The following CDCA2 variants were observed in gnomAD, a reference collection of about 807,000 sequenced individuals.
CDCA2 encodes cell division cycle associated 2.
A neutral mutation model predicts 67.0 loss-of-function variants in CDCA2; 44 were observed. The ratio of observed to expected loss-of-function variants is 0.66; its 90% CI spans 0.52 to 0.84. The LOEUF is 0.84. Among genes scored for constraint, CDCA2 ranks in the 40% least tolerant of loss-of-function variants. CDCA2 has a pLI of 0.00. For missense variants in CDCA2, 1,253 were observed against 1,203.2 expected (o/e 1.04, Z -0.61); for synonymous variants, 447 against 418.7 (o/e 1.07, Z -0.82).
chr8:25,464,137 G>A (rs1415819606), intron 4 of CDCA2, among the ~76,000 whole-genome samples: 1 of 152,190 alleles, frequency 6.6e-6, no homozygotes, highest in Non-Finnish European at 1.5e-5. Context: ...TTCCCTGGCT[G>A]GGTATGGTGG....
In CDCA2 at chr8:25,506,560, C is replaced by T; in HGVS notation, c.1894C>T (p.Pro632Ser). The stretch of plus-strand genomic sequence containing the variant: ...GGAAGAAGTGAAGACTCCTAAAAAT[C>T]CAGTGAAAAGAAAGGATCTTTTGCG... ...KLEEVKTPKN[P>S]VKRKDLLRHD... Residue 632 changes from proline to serine, a missense_variant, in exon 15 of 15, where the codon CCA (proline) becomes TCA (serine). Physicochemically the swap from Pro to Ser is moderately conservative, Grantham distance 74 (BLOSUM62 -1). Transcript: ENST00000330560. The T allele has an allele frequency of 6.3e-7, 1 of 1,596,238 alleles. No homozygotes were observed. The highest frequency in any genetic ancestry group is 8.5e-7 in the Non-Finnish European group (1 of 1,175,404).
chr8:25,488,504 T>C, intron 12 of CDCA2, 48 bp from the exon 13 acceptor site: 3 of 1,514,568 alleles, frequency 2.0e-6, no homozygotes, highest in South Asian at 2.7e-5. Flanking sequence ...CACATTAACA[T>C]GTAATTGCTT....
chr8:25,496,731 T>C (rs1336355004), intron 13 of CDCA2, among the ~76,000 whole-genome samples: 2 of 152,138 alleles, frequency 1.3e-5, no homozygotes, highest in South Asian at 2.1e-4. Context: ...CTGGCTATTA[T>C]CAAGCAGATG....
intron 3 of CDCA2, among the ~76,000 whole-genome samples, chr8:25,460,864 A>G (rs969485889): frequency 1.3e-5 from 2 of 152,210 alleles, no homozygotes; most frequent in Non-Finnish European, 2.9e-5. Flanking sequence ...AGGGTGTATG[A>G]TATGAATAGT....
rs377071707 is a variant in CDCA2, at chr8:25,469,971, A to T, written c.811A>T (p.Thr271Ser). The change falls in exon 7 of 15, where the codon ACT becomes TCT. Residue 271 changes from threonine to serine, a missense_variant. By Grantham distance (58) the Thr-to-Ser change is moderately conservative (BLOSUM62 1). Transcript: ENST00000330560. ...TCTTCCCCTTTCAGAGCTCACAGAG[A>T]CTTCAAATGGTAAGTAATCTTTTCT... is the stretch of plus-strand genomic sequence containing the variant. Reference protein sequence around the residue: ...ESLPLSELTETSNALKVADCV... With the variant: ...ESLPLSELTESSNALKVADCV... 8.1e-6 allele frequency: 13 copies of T among 1,604,964 alleles called. No homozygotes were observed. Among genetic ancestry groups the T allele is most frequent in the Non-Finnish European group, 1.1e-5 (13 of 1,172,722 alleles).
chr8:25,483,925 G>A (rs777395051), intron 9 of CDCA2, 41 bp from the exon 10 acceptor site: 1 of 1,548,430 alleles, frequency 6.5e-7, no homozygotes, highest in Non-Finnish European at 8.9e-7. Flanking sequence ...AAGAAATATA[G>A]CTTAATTTTT....
chr8:25,497,492 T>TAAAAAAA (rs535097107), intron 13 of CDCA2, among the ~76,000 whole-genome samples: 9 of 34,230 alleles, frequency 2.6e-4, no homozygotes, highest in African/African-American at 4.8e-4. Context: ...GTGGAATCTT[T>TAAAAAAA]AAAAAATAAA....
At chr8:25,473,034 G>C (rs1209933404) in intron 7 of CDCA2, among the ~76,000 whole-genome samples, 1 of 152,032 alleles carries the variant, frequency 6.6e-6, no homozygotes, top group Non-Finnish European at 1.5e-5. Flanking sequence ...ACAGCCTCTG[G>C]TAACCACTAT....
At chr8:25,483,203 A>G (rs79968916) in intron 8 of CDCA2, among the ~76,000 whole-genome samples, 196 bp from the exon 9 acceptor site, 8,155 of 152,232 alleles carry the variant, frequency 0.054, 700 homozygotes, top group African/African-American at 0.18. Flanking sequence ...TTTCTAAAGT[A>G]GTATCTAGGG....
rs747423702 is a variant in CDCA2, at chr8:25,506,781, A to T, written c.2115A>T (p.Lys705Asn). ...KNKSESENEP[K>N]AGTDSPVSCA... Reference sequence around the variant, plus strand: ...AGTCAGAAAGTGAAAATGAACCAAAAGCTGGAACTGACAGTCCTGTTTCTT... The same window carrying T: ...AGTCAGAAAGTGAAAATGAACCAAATGCTGGAACTGACAGTCCTGTTTCTT... The change falls in exon 15 of 15, where the codon AAA becomes AAT. Residue 705 changes from lysine (K) to asparagine (N), a missense_variant. By Grantham distance (94) the Lys-to-Asn change is moderately conservative (BLOSUM62 0). Transcript: ENST00000330560. 15 of 1,613,928 alleles carry T rather than the reference A, an allele frequency of 9.3e-6. No individual in the cohort carries two copies. The highest frequency in any genetic ancestry group is 1.1e-5 in the South Asian group (1 of 91,050).
intron 13 of CDCA2, among the ~76,000 whole-genome samples, chr8:25,495,351 G>A (rs1804172778): frequency 6.6e-6 from 1 of 151,942 alleles, no homozygotes; most frequent in Admixed American, 6.6e-5. Context: ...TTCTTACTAT[G>A]TCAAGTTGGT....
At chr8:25,460,611 A>G in intron 3 of CDCA2, 57 bp downstream of exon 3, 3 of 1,531,140 alleles carry the variant, frequency 2.0e-6, no homozygotes, top group Non-Finnish European at 2.7e-6. Flanking sequence ...TAACTTTAAT[A>G]TAACTCAGCT....
intron 5 of CDCA2, among the ~76,000 whole-genome samples, chr8:25,467,612 G>A (rs565251986): frequency 9.2e-5 from 14 of 152,002 alleles, no homozygotes; most frequent in African/African-American, 3.4e-4. Flanking sequence ...AAAGCGTGAG[G>A]TACCATATTA....
intron 10 of CDCA2, among the ~76,000 whole-genome samples, chr8:25,485,119 A>G (rs886154189): frequency 1.3e-5 from 2 of 151,458 alleles, no homozygotes; most frequent in African/African-American, 2.4e-5. Flanking sequence ...CAGCACACCA[A>G]CATGGCACGT....
chr8:25,469,881 C>T lies in CDCA2; in HGVS notation c.736-15C>T. On this transcript the variant is annotated splice_polypyrimidine_tract_variant and intron_variant, in intron 6 of 14. Transcript: ENST00000330560. ...TAATTAATAAAATGTAATACTCTTT[C>T]AATTTTTCCCCAAGATATCATCTAA... The T allele has an allele frequency of 6.4e-7, 1 of 1,563,352 alleles. No individual in the cohort carries two copies. The highest frequency in any genetic ancestry group is 8.8e-7 in the Non-Finnish European group (1 of 1,136,714).
At chr8:25,476,528 G>T (rs1321965336) in intron 7 of CDCA2, among the ~76,000 whole-genome samples, 3 of 151,102 alleles carry the variant, frequency 2.0e-5, no homozygotes, top group Non-Finnish European at 4.4e-5. Flanking sequence ...GGGTCTCAAT[G>T]TTCTTACCTA....
chr8:25,466,173 A>G lies in CDCA2; in HGVS notation c.388-2A>G, dbSNP rs377293458. ...CTCCTTGTATATTTTGCACTTTCAC[A>G]GGGCAGCCCTGCACTGTATCGAAAT... On this transcript the variant is annotated splice_acceptor_variant, in intron 4 of 14. Coordinates refer to ENST00000330560, the MANE Select transcript of CDCA2 (RefSeq NM_152562.4). LOFTEE classifies it high-confidence loss of function. 1.3e-5 allele frequency: 21 copies of G among 1,589,962 alleles called. No homozygotes were observed. Among genetic ancestry groups the G allele is most frequent in the Non-Finnish European group, 1.8e-5 (21 of 1,173,860 alleles).
At chr8:25,498,177 A>G (rs1319244323) in intron 13 of CDCA2, among the ~76,000 whole-genome samples, 1 of 152,024 alleles carries the variant, frequency 6.6e-6, no homozygotes, top group Non-Finnish European at 1.5e-5. Flanking sequence ...AATTGCCATC[A>G]TGGTTTTTGT....
chr8:25,465,002 C>T (rs1802843191), intron 4 of CDCA2, among the ~76,000 whole-genome samples: 1 of 152,126 alleles, frequency 6.6e-6, no homozygotes, highest in Admixed American at 6.5e-5. Context: ...GAGACCAAGC[C>T]TTGCTCTGTT....
Sources: gnomAD v4.1 joint callset for allele counts (sites outside exome capture counted in the v4.1 genomes callset) on GRCh38, gnomAD v4.1.1 for gene constraint, MANE v1.5 for transcripts, NCBI Gene and HGNC (gene_info 2026-07-23, HGNC 2026-07-21) for gene names.